Variants in PATJ observed in about 807,000 individuals in gnomAD.
PATJ encodes the protein PATJ crumbs cell polarity complex component.
A neutral mutation model predicts 224.9 loss-of-function variants in PATJ; 190 were observed. The observed-to-expected ratio is 0.84, with a 90% CI of 0.75 to 0.95. The LOEUF (loss-of-function observed/expected upper bound fraction) is 0.95. PATJ is among the 40% of genes least tolerant of loss of function. PATJ has a pLI of 0.00. For missense variants in PATJ, 2,121 were observed against 2,270.3 expected (o/e 0.93, Z 1.34); for synonymous variants, 769 against 820.3 (o/e 0.94, Z 1.07).
chr1:61,944,226 T>G (rs1678304327), intron 27 of PATJ, among the ~76,000 whole-genome samples: 1 of 152,162 alleles, frequency 6.6e-6, no homozygotes, highest in Non-Finnish European at 1.5e-5. Context: ...AGAATGACTT[T>G]GACGAATTGA....
chr1:62,114,603 G>A (rs1280694217), intron 35 of PATJ: 5 of 184,276 alleles, frequency 2.7e-5, no homozygotes, highest in Non-Finnish European at 5.5e-5. Flanking sequence ...TCCAATGTTG[G>A]GTCAAGAACA....
At chr1:62,014,371 A>G (rs919541118) in intron 28 of PATJ, among the ~76,000 whole-genome samples, 1 of 151,894 alleles carries the variant, frequency 6.6e-6, no homozygotes, top group Admixed American at 6.6e-5. Context: ...TGATTTTCAA[A>G]TATGATTTAA....
chr1:61,808,289 A>G (rs1653985451), intron 13 of PATJ, among the ~76,000 whole-genome samples, 185 bp from the exon 14 acceptor site: 1 of 152,198 alleles, frequency 6.6e-6, no homozygotes, highest in Admixed American at 6.6e-5. Flanking sequence ...GAACAACAAC[A>G]AAAAAATCAA....
intron 1 of PATJ, among the ~76,000 whole-genome samples, chr1:61,755,422 A>G (rs1316539117): frequency 6.6e-6 from 1 of 152,132 alleles, no homozygotes; most frequent in Non-Finnish European, 1.5e-5. Flanking sequence ...GTATAGTAGT[A>G]TATGTTTATA....
chr1:61,756,228 C>T (rs1645631613), intron 1 of PATJ, among the ~76,000 whole-genome samples: 1 of 152,284 alleles, frequency 6.6e-6, no homozygotes, highest in South Asian at 2.1e-4. Context: ...CTTGGAGTAA[C>T]TGTGGTCTTT....
chr1:61,773,778 T>C (rs1244240842), intron 6 of PATJ, among the ~76,000 whole-genome samples: 1 of 149,854 alleles, frequency 6.7e-6, no homozygotes, highest in Non-Finnish European at 1.5e-5. Context: ...AGTGAGACTC[T>C]GTCTCAAAAA....
intron 9 of PATJ, among the ~76,000 whole-genome samples, chr1:61,793,210 A>T (rs1343798911): frequency 2.0e-5 from 3 of 152,070 alleles, no homozygotes; most frequent in Non-Finnish European, 4.4e-5. Flanking sequence ...AGTAGCTGGG[A>T]CTATGGGTGC....
chr1:61,996,343 G>A (rs1645354608), intron 28 of PATJ, among the ~76,000 whole-genome samples: 1 of 152,152 alleles, frequency 6.6e-6, no homozygotes, highest in South Asian at 2.1e-4. Context: ...GCCCTTACCA[G>A]CACCACTGTC....
At chr1:62,076,072 C>A (rs1658251867) in intron 31 of PATJ, among the ~76,000 whole-genome samples, 1 of 152,100 alleles carries the variant, frequency 6.6e-6, no homozygotes, top group South Asian at 2.1e-4. Context: ...GGACCCCCAT[C>A]CCAGACCAAA....
chr1:62,159,896 G>A (rs979424761), intron 43 of PATJ, among the ~76,000 whole-genome samples: 1 of 152,020 alleles, frequency 6.6e-6, no homozygotes, highest in Non-Finnish European at 1.5e-5. Context: ...CCATTCTCAC[G>A]GTTTAGAAAA....
rs137918155 is a variant in PATJ at position 61,949,310 on chromosome 1, G to C, written c.3670+21481G>C. Among the ~76,000 whole-genome samples, 569 of 151,978 alleles carry C rather than the reference G, an allele frequency of 3.7e-3. 2 individuals carry two copies. The highest frequency in any genetic ancestry group is 0.013 in the African/African-American group (547 of 41,472). On this transcript the variant is annotated intron_variant, in intron 27 of 43. Transcript: ENST00000642238. The stretch of plus-strand genomic sequence containing the variant: ...TGTCCATAAAAAACAAATTTATATA[G>C]AGAGAAAGCAGGCCTGGGTTGCGAT...
intron 27 of PATJ, among the ~76,000 whole-genome samples, chr1:61,978,581 A>G (rs1644279203): frequency 1.3e-5 from 2 of 151,938 alleles, no homozygotes; most frequent in South Asian, 4.1e-4. Context: ...GTTTCTTCTG[A>G]TAAGTTACAG....
chr1:61,810,981 T>C (rs1480800308), intron 14 of PATJ, among the ~76,000 whole-genome samples: 2 of 152,194 alleles, frequency 1.3e-5, no homozygotes, highest in Non-Finnish European at 2.9e-5. Context: ...TATAGTGTAC[T>C]GATTACATGG....
Position 62,086,744 on chromosome 1 carries a change from G to T in PATJ, c.4377+2096G>T, listed in dbSNP as rs1244655176. Among the ~76,000 whole-genome samples the T allele has an allele frequency of 1.3e-5, 2 of 152,144 alleles. No individual in the cohort carries two copies. The highest frequency in any genetic ancestry group is 2.1e-4 in the South Asian group (1 of 4,820). On this transcript the variant is annotated intron_variant, in intron 33 of 43. Transcript: ENST00000642238. The surrounding 1 kb of genome is among the most constrained non-coding windows in gnomAD (Gnocchi z 4.0). Reference sequence around the variant, plus strand: ...CTTGATGATGCAGGAGTTTTCTCTTGACCCCTTCATCAGACTTGCAACAGG... The same window carrying T: ...CTTGATGATGCAGGAGTTTTCTCTTTACCCCTTCATCAGACTTGCAACAGG...
In PATJ at chr1:61,914,648, A is replaced by G; in HGVS notation, c.3554A>G (p.Gln1185Arg). 1 of 1,568,404 alleles carries G rather than the reference A, an allele frequency of 6.4e-7. No individual in the cohort carries two copies. Among genetic ancestry groups the G allele is most frequent in the Non-Finnish European group, 8.8e-7 (1 of 1,139,908 alleles). ...ACCGGTAACCAGAACCAGGACACCC[A>G]AGAAAAGAAAGAAAAGGTAACTTGA... The part of the protein sequence containing the change: ...KITGNQNQDT[Q>R]EKKEKRQGTA... The change falls in exon 26 of 44, where the codon CAA becomes CGA. Residue 1185 changes from glutamine (Q) to arginine (R), a missense_variant. Coordinates refer to ENST00000642238, the MANE Select transcript of PATJ (RefSeq NM_001350145.3).
intron 27 of PATJ, among the ~76,000 whole-genome samples, chr1:61,981,907 G>A (rs1644471730): frequency 6.6e-6 from 1 of 152,080 alleles, no homozygotes; most frequent in Admixed American, 6.5e-5. Context: ...CTCCTCAGGT[G>A]ATCCACCCGC....
At chr1:62,061,885 T>C (rs1347999702) in intron 31 of PATJ, among the ~76,000 whole-genome samples, 1 of 151,876 alleles carries the variant, frequency 6.6e-6, no homozygotes, top group Non-Finnish European at 1.5e-5. Flanking sequence ...GGTCTCGATC[T>C]CCTGACCTCA....
intron 33 of PATJ, among the ~76,000 whole-genome samples, chr1:62,087,687 AGTGAACCACCTCACCT>A (rs1168286380): frequency 6.6e-6 from 1 of 151,492 alleles, no homozygotes; most frequent in Non-Finnish European, 1.5e-5. Flanking sequence ...CCACCCTGCT[AGTGAACCACCTCACCT>A]GAACCTGAAA....
At chr1:61,766,797 A>G (rs537546563) in intron 4 of PATJ, among the ~76,000 whole-genome samples, 2 of 152,314 alleles carry the variant, frequency 1.3e-5, no homozygotes, top group South Asian at 4.1e-4. Flanking sequence ...TATTCTTGTT[A>G]AAATAAGATT....
Sources: gnomAD v4.1 joint callset for allele counts (sites outside exome capture counted in the v4.1 genomes callset) on GRCh38, gnomAD v4.1.1 for gene constraint, Gnocchi (gnomAD v3.1) non-coding constraint, MANE v1.5 for transcripts, NCBI Gene and HGNC (gene_info 2026-07-23, HGNC 2026-07-21) for gene names.